SMARCE1: variants seen among roughly 807,000 people sequenced by gnomAD.
SMARCE1 encodes SWI/SNF related BAF chromatin remodeling complex subunit E1.
SMARCE1 carries 13 observed loss-of-function variants against 54.9 expected under a neutral mutation model. The observed-to-expected ratio is 0.24, with a 90% CI of 0.15 to 0.38. The LOEUF is 0.38. Ranked by LOEUF, SMARCE1 falls within the 10% of genes least tolerant of loss-of-function variation. The probability of loss-of-function intolerance (pLI) is 1.00; values close to 1 mark genes in which losing one functional copy is unlikely to be tolerated. For synonymous variants in SMARCE1, 151 were observed against 175.3 expected (o/e 0.86, Z 1.10); for missense variants, 295 against 523.8 (o/e 0.56, Z 4.26).
intron 7 of SMARCE1, chr17:40,632,666 T>C: frequency 3.5e-6 from 1 of 287,452 alleles, no homozygotes; most frequent in Non-Finnish European, 6.5e-6. Flanking sequence ...TCGGAATCAA[T>C]GTGAAGGCTG....
At chr17:40,631,918 C>T (rs1326983152) in intron 8 of SMARCE1, 1 of 552,010 alleles carries the variant, frequency 1.8e-6, no homozygotes, top group East Asian at 2.9e-5. Context: ...AAATATTTAG[C>T]ATAGCAGTAA....
intron 1 of SMARCE1, 96 bp from the exon 2 acceptor site, chr17:40,645,943 T>A: frequency 2.3e-6 from 1 of 431,346 alleles, no homozygotes. Context: ...AATTGGTATT[T>A]CTGAGTAAAA....
chr17:40,634,122 T>A (rs1301379591), intron 7 of SMARCE1: 1 of 152,312 alleles, frequency 6.6e-6, no homozygotes, highest in Non-Finnish European at 1.5e-5. Flanking sequence ...TAATTGCACA[T>A]GCCCTCTTTT....
Position 40,637,522 on chromosome 17 carries a change from C to G in SMARCE1, c.207G>C (p.Pro69=). The G allele has an allele frequency of 2.5e-6, 4 of 1,613,512 alleles. No homozygotes were observed. The highest frequency in any genetic ancestry group is 3.4e-6 in the Non-Finnish European group (4 of 1,179,546). ...TGCTGTACCTCATGTAGGGCATCAGCGGCTTATCTGGTGGCTTTGGGGGTT... is the reference window on the plus strand; with the variant it reads ...TGCTGTACCTCATGTAGGGCATCAGGGGCTTATCTGGTGGCTTTGGGGGTT... ...IPKPPKPPDK[P]LMPYMRYSRK... The change falls in exon 5 of 11, where the codon CCG becomes CCC. Residue 69 remains proline (P), a synonymous_variant. Coordinates refer to ENST00000348513, the MANE Select transcript of SMARCE1 (RefSeq NM_003079.5).
intron 1 of SMARCE1, among the ~76,000 whole-genome samples, chr17:40,646,144 A>G (rs2037253648): frequency 6.6e-6 from 1 of 152,184 alleles, no homozygotes; most frequent in Non-Finnish European, 1.5e-5. Context: ...CCATGTAAAC[A>G]TTTCATCAGA....
intron 3 of SMARCE1, chr17:40,643,366 CT>C (rs2144010635): frequency 6.6e-6 from 1 of 152,268 alleles, no homozygotes; most frequent in African/African-American, 2.4e-5. Context: ...TTATAGACTT[CT>C]TTTTTCATCT....
Position 40,628,470 on chromosome 17 carries a change from T to G in SMARCE1, c.*315A>C. On this transcript the variant is annotated 3_prime_UTR_variant, in exon 11 of 11. Coordinates refer to ENST00000348513, the MANE Select transcript of SMARCE1 (RefSeq NM_003079.5). The stretch of plus-strand genomic sequence containing the variant: ...CACCCCAGTGAGCTGTAGGAAGGCA[T>G]TGTAAGAGTAGATTCTGCAGCATCA... 7.0e-6 allele frequency: 2 copies of G among 287,302 alleles called. No individual in the cohort carries two copies. The highest frequency in any genetic ancestry group is 1.3e-5 in the Non-Finnish European group (2 of 150,138). 17.8% of individuals were successfully genotyped at this position (287,302 alleles called of 1,614,324 possible).
In SMARCE1 at chr17:40,631,705, G is replaced by C. The variant is rs769970957; in HGVS notation, c.715-12C>G. 4 of 1,465,062 alleles carry C rather than the reference G, an allele frequency of 2.7e-6. No homozygotes were observed. Among genetic ancestry groups the C allele is most frequent in the Non-Finnish European group, 3.8e-6 (4 of 1,045,894 alleles). 90.8% of individuals were successfully genotyped at this position (1,465,062 alleles called of 1,614,324 possible). A position where few individuals can be genotyped will look rare whatever the true frequency, so the allele number is the denominator to read the frequency against. On this transcript the variant is annotated splice_polypyrimidine_tract_variant and intron_variant, in intron 8 of 10. Transcript: ENST00000348513. Reference sequence around the variant, plus strand: ...GCTTCTAGTTTTCGCTGCAAGACAGGATCAGGCTTCATAATTGTGTCTCAT... The same window carrying C: ...GCTTCTAGTTTTCGCTGCAAGACAGCATCAGGCTTCATAATTGTGTCTCAT...
At chr17:40,644,541 T>G (rs557412871) in intron 3 of SMARCE1, 3 of 152,152 alleles carry the variant, frequency 2.0e-5, no homozygotes, top group African/African-American at 7.2e-5. Context: ...GACTTTATAG[T>G]CTACTGGAAT....
intron 7 of SMARCE1, chr17:40,633,827 GT>G (rs2143991609): frequency 6.6e-6 from 1 of 152,272 alleles, no homozygotes; most frequent in Non-Finnish European, 1.5e-5. Flanking sequence ...CTTTTTAAGA[GT>G]TTTTCACCTT....
chr17:40,633,460 C>T (rs2143990879), intron 7 of SMARCE1: 1 of 152,028 alleles, frequency 6.6e-6, no homozygotes, highest in Admixed American at 6.5e-5. Context: ...AAAAAAAGAG[C>T]TTTCTCTTTA....
intron 10 of SMARCE1, chr17:40,630,244 C>T: frequency 6.5e-7 from 1 of 1,541,432 alleles, no homozygotes; most frequent in Non-Finnish European, 8.8e-7. Flanking sequence ...ATCAGTATAC[C>T]TAGAAGTAAG....
intron 4 of SMARCE1, chr17:40,640,513 C>G (rs906527981): frequency 1.6e-4 from 25 of 152,152 alleles, no homozygotes; most frequent in Admixed American, 1.6e-3. Flanking sequence ...AATCTGCGCA[C>G]AACAATACCA....
At chr17:40,637,812 A>C (rs1025679618) in intron 4 of SMARCE1, 1 of 499,438 alleles carries the variant, frequency 2.0e-6, no homozygotes, top group African/African-American at 1.9e-5. Context: ...TGGCTGCAAG[A>C]ACAAATAAAA....
At position 40,630,699 on chromosome 17, in the gene SMARCE1, T is replaced by C. The variant is rs373998018; in HGVS notation, c.1027+15A>G. ...AGTCTTGGCACTGCCTCTGCGTTTGTTGCTAGTGGGTTACCTGTCTCCATC... is the reference window on the plus strand; with the variant it reads ...AGTCTTGGCACTGCCTCTGCGTTTGCTGCTAGTGGGTTACCTGTCTCCATC... On this transcript the variant is annotated intron_variant, in intron 10 of 10. Coordinates refer to ENST00000348513, the MANE Select transcript of SMARCE1 (RefSeq NM_003079.5). The C allele has an allele frequency of 6.2e-7, 1 of 1,609,250 alleles. No homozygotes were observed. The highest frequency in any genetic ancestry group is 1.7e-5 in the Admixed American group (1 of 60,000).
At position 40,628,872 on chromosome 17, in the gene SMARCE1, A is replaced by C; in HGVS notation, c.1149T>G (p.Ser383Arg). 6.2e-7 allele frequency: 1 copy of C among 1,613,716 alleles called. No individual in the cohort carries two copies. Among genetic ancestry groups the C allele is most frequent in the Non-Finnish European group, 8.5e-7 (1 of 1,179,786 alleles). ...TGCTCTCCGAGCCAGTGTTACTATC[A>C]CTGGTTCCTTCCTCTGCCATACTGT... Reference protein sequence around the residue: ...GVDSMAEEGTSDSNTGSESNS... With the variant: ...GVDSMAEEGTRDSNTGSESNS... The change falls in exon 11 of 11, where the codon AGT (serine) becomes AGG (arginine). Residue 383 changes from serine (S) to arginine (R), a missense_variant. Around this residue, in one of 5 missense-constraint regions of SMARCE1, gnomAD observed 147 missense variants for 161.4 expected, o/e 0.91. Coordinates refer to ENST00000348513, the MANE Select transcript of SMARCE1 (RefSeq NM_003079.5).
At chr17:40,645,908 G>T in intron 1 of SMARCE1, 61 bp from the exon 2 acceptor site, 1 of 517,352 alleles carries the variant, frequency 1.9e-6, no homozygotes. Context: ...ATACGAGAAT[G>T]TTTTCCTAAT....
At chr17:40,636,206 T>A in intron 6 of SMARCE1, 104 bp from the exon 7 acceptor site, 1 of 1,211,920 alleles carries the variant, frequency 8.3e-7, no homozygotes, top group East Asian at 2.3e-5. Flanking sequence ...GTAAACAGGG[T>A]GTTGGGATAA....
At position 40,627,670 on chromosome 17, in the gene SMARCE1, C is replaced by T. The variant is rs894688402; in HGVS notation, c.*1115G>A. On this transcript the variant is annotated 3_prime_UTR_variant, in exon 11 of 11. Transcript: ENST00000348513. The stretch of plus-strand genomic sequence containing the variant: ...TTACAGAAAAAAACTGGATGCTTGT[C>T]TTGCATACAAATATGTAGTGCATTA... 4 of 152,576 alleles carry T rather than the reference C, an allele frequency of 2.6e-5. No homozygotes were observed. Among genetic ancestry groups the T allele is most frequent in the African/African-American group, 4.8e-5 (2 of 41,426 alleles). 9.5% of individuals were successfully genotyped at this position (152,576 alleles called of 1,614,324 possible). A position where few individuals can be genotyped will look rare whatever the true frequency, so the allele number is the denominator to read the frequency against.
Sources: gnomAD v4.1 joint callset for allele counts (sites outside exome capture counted in the v4.1 genomes callset) on GRCh38, gnomAD v4.1.1 for gene constraint, gnomAD v4.1.1 regional missense constraint, MANE v1.5 for transcripts, NCBI Gene and HGNC (gene_info 2026-07-23, HGNC 2026-07-21) for gene names.